Variants in CADM2 observed in about 807,000 individuals in gnomAD.
CADM2 encodes cell adhesion molecule 2, also known as immunoglobulin superfamily member 4D.
Under a neutral mutation model 49.8 loss-of-function variants are expected in CADM2, and 12 were observed. The ratio of observed to expected loss-of-function variants is 0.24; its 90% confidence interval spans 0.15 to 0.39. The LOEUF is 0.39. Ranked by LOEUF, CADM2 falls within the 10% of genes least tolerant of loss-of-function variation. The pLI is 1.00. For synonymous variants in CADM2, 214 were observed against 175.4 expected (o/e 1.22, Z -1.74); for missense variants, 378 against 492.3 (o/e 0.77, Z 2.20).
intron 1 of CADM2, among the ~76,000 whole-genome samples, chr3:85,468,961 T>G (rs2038646542): frequency 6.6e-6 from 1 of 152,154 alleles, no homozygotes; most frequent in African/African-American, 2.4e-5. Flanking sequence ...ACCTCTCAAT[T>G]TGTCATTGGT....
intron 1 of CADM2, among the ~76,000 whole-genome samples, chr3:85,258,512 A>C (rs932343767): frequency 1.1e-4 from 17 of 151,052 alleles, no homozygotes; most frequent in South Asian, 1.0e-3. Context: ...AAAAAAAAAA[A>C]CTCACAGTCC....
At chr3:85,049,266 T>C (rs1002063171) in intron 1 of CADM2, among the ~76,000 whole-genome samples, 1 of 152,154 alleles carries the variant, frequency 6.6e-6, no homozygotes, top group Non-Finnish European at 1.5e-5. Flanking sequence ...AAACTAGTTT[T>C]TCAAGAACTT....
intron 1 of CADM2, among the ~76,000 whole-genome samples, chr3:85,392,529 T>G (rs1261665697): frequency 6.6e-6 from 1 of 152,132 alleles, no homozygotes; most frequent in Non-Finnish European, 1.5e-5. Flanking sequence ...CTAAGTCTTT[T>G]CTTCTTTAGG....
chr3:85,912,776 T>A (rs1717788793), intron 6 of CADM2, among the ~76,000 whole-genome samples: 1 of 152,190 alleles, frequency 6.6e-6, no homozygotes, highest in African/African-American at 2.4e-5. Flanking sequence ...TTAATACTCC[T>A]ATGTTTCAAA....
intron 1 of CADM2, among the ~76,000 whole-genome samples, chr3:85,165,066 C>T (rs1691061385): frequency 6.6e-6 from 1 of 151,634 alleles, no homozygotes; most frequent in African/African-American, 2.4e-5. Context: ...GCTACATGAT[C>T]AAGGGCCCCA....
intron 2 of CADM2, among the ~76,000 whole-genome samples, chr3:85,771,068 C>T (rs1379630748): frequency 4.6e-5 from 7 of 152,142 alleles, no homozygotes; most frequent in African/African-American, 1.7e-4. Context: ...TGGATTAAGA[C>T]AGTCCTCTTA....
At chr3:85,773,269 C>A (rs541124999) in intron 2 of CADM2, among the ~76,000 whole-genome samples, 1 of 152,144 alleles carries the variant, frequency 6.6e-6, no homozygotes, top group Non-Finnish European at 1.5e-5. Context: ...AAATAAACAG[C>A]CCCTTTTCCT....
At chr3:85,809,813 T>C (rs1431173653) in intron 3 of CADM2, among the ~76,000 whole-genome samples, 1 of 144,392 alleles carries the variant, frequency 6.9e-6, no homozygotes, top group Non-Finnish European at 1.5e-5. Context: ...TCTTTCTTTC[T>C]GTGGGAATTA....
chr3:85,506,431 G>T (rs904257558), intron 1 of CADM2, among the ~76,000 whole-genome samples: 4 of 152,144 alleles, frequency 2.6e-5, no homozygotes, highest in African/African-American at 9.7e-5. Flanking sequence ...TAACTTTCCA[G>T]CCTTATTCCT....
chr3:85,069,860 A>T (rs1466537851), intron 1 of CADM2, among the ~76,000 whole-genome samples: 1 of 152,060 alleles, frequency 6.6e-6, no homozygotes, highest in Non-Finnish European at 1.5e-5. Flanking sequence ...AGCTGATGTG[A>T]TTATCTTAAA....
At chr3:85,804,165 G>A (rs1409983767) in intron 3 of CADM2, among the ~76,000 whole-genome samples, 1 of 151,890 alleles carries the variant, frequency 6.6e-6, no homozygotes, top group African/African-American at 2.4e-5. Context: ...AATATAAGGT[G>A]GTGCCAATTT....
chr3:85,891,070 C>A (rs577646936), intron 5 of CADM2, among the ~76,000 whole-genome samples: 6 of 152,160 alleles, frequency 3.9e-5, no homozygotes, highest in African/African-American at 1.2e-4. Flanking sequence ...ATAATTTCAT[C>A]CAACTCTGTT....
At chr3:85,823,744 A>C (rs748693856) in intron 3 of CADM2, among the ~76,000 whole-genome samples, 19 of 152,294 alleles carry the variant, frequency 1.2e-4, no homozygotes, top group Non-Finnish European at 2.4e-4. Flanking sequence ...AGAATAAGTA[A>C]CAGACTGTAT....
rs533574200 is a variant in CADM2 at position 84,998,351 on chromosome 3, AG to A, written c.61+38684del. Among the ~76,000 whole-genome samples, 125 of 152,286 alleles carry A rather than the reference AG, an allele frequency of 8.2e-4. No individual in the cohort carries two copies. The Middle Eastern group carries it at 0.017, about 21-fold the overall frequency. On this transcript the variant is annotated intron_variant, in intron 1 of 9. Coordinates refer to ENST00000383699, the MANE Select transcript of CADM2 (RefSeq NM_001167675.2). ...AAGGTTTTCCTGCCAGTTTTAATAT[AG>A]CAAATATGTTCTCCGGAGCAAGTAA...
Position 85,756,456 on chromosome 3 carries a change from T to C in CADM2, c.88+29908T>C, listed in dbSNP as rs143988514. Among the ~76,000 whole-genome samples, 833 of 152,294 alleles carry C rather than the reference T, an allele frequency of 5.5e-3. 4 individuals are homozygous for C. The highest frequency in any genetic ancestry group is 0.01 in the Middle Eastern group (3 of 294). On this transcript the variant is annotated intron_variant, in intron 2 of 9. Coordinates refer to ENST00000383699, the MANE Select transcript of CADM2 (RefSeq NM_001167675.2). ...TCCCAATGTTTGAAGACATTGCATATTGAATACACATATAATTAAATTTTA... is the reference window on the plus strand; with the variant it reads ...TCCCAATGTTTGAAGACATTGCATACTGAATACACATATAATTAAATTTTA...
chr3:84,969,184 G>A (rs562466597), intron 1 of CADM2, among the ~76,000 whole-genome samples: 46 of 152,030 alleles, frequency 3.0e-4, no homozygotes, highest in African/African-American at 1.0e-3. Context: ...TAAGAAAATG[G>A]TGGTTTAATT....
At chr3:85,709,257 G>A (rs2067041711) in intron 1 of CADM2, among the ~76,000 whole-genome samples, 1 of 151,968 alleles carries the variant, frequency 6.6e-6, no homozygotes. Flanking sequence ...TTCTAAACAT[G>A]GGTTTTAGTT....
intron 1 of CADM2, among the ~76,000 whole-genome samples, chr3:85,520,881 T>C (rs2061013472): frequency 6.6e-6 from 1 of 152,086 alleles, no homozygotes; most frequent in Admixed American, 6.6e-5. Flanking sequence ...GGAAAAGTTT[T>C]TGGAATGGCT....
rs180912556 is a variant in CADM2 at position 85,714,468 on chromosome 3, C to T, written c.62-12054C>T. On this transcript the variant is annotated intron_variant, in intron 1 of 9. Coordinates refer to ENST00000383699, the MANE Select transcript of CADM2 (RefSeq NM_001167675.2). ...TTGAGATGGAGTCTCACTCTGTCAC[C>T]CAGGCTGGAGTGCAGTGGTGGGATC... Among the ~76,000 whole-genome samples, 491 of 152,126 alleles carry T rather than the reference C, an allele frequency of 3.2e-3. 1 individual carries two copies. The highest frequency in any genetic ancestry group is 9.2e-3 in the Admixed American group (140 of 15,256).
Sources: allele counts gnomAD v4.1 joint callset (sites outside exome capture counted in the v4.1 genomes callset), GRCh38; gene constraint gnomAD v4.1.1; transcripts MANE v1.5; gene names NCBI Gene and HGNC (gene_info 2026-07-23, HGNC 2026-07-21).